The following ZNF423 variants were observed in gnomAD, a reference collection of about 807,000 sequenced individuals.
ZNF423 encodes zinc finger protein 423, also known as Ebf-associated zinc finger protein.
ZNF423 carries 12 observed loss-of-function variants against 95.8 expected under a neutral mutation model. The ratio of observed to expected loss-of-function variants is 0.13; its 90% CI spans 0.08 to 0.20. ZNF423 has a LOEUF of 0.20. Among genes scored for constraint, ZNF423 ranks in the 10% least tolerant of loss-of-function variants. The pLI, the probability that ZNF423 is intolerant of heterozygous loss-of-function variation, is 1.00. For missense variants in ZNF423, 1,316 were observed against 1,737.1 expected (o/e 0.76, Z 4.31); for synonymous variants, 749 against 711.9 (o/e 1.05, Z -0.83).
At position 49,636,580 on chromosome 16, in the gene ZNF423, G is replaced by A. The variant is rs1312203945; in HGVS notation, c.2596C>T (p.Leu866=). ...MATKKAEPAD[L]QGMLLKNPEA... ...GGGTTCTTAAGCAGCATGCCCTGCA[G>A]GTCAGCAGGCTCAGCTTTCTTGGTG... The change falls in exon 4 of 8, where the codon CTG becomes TTG. Residue 866 remains leucine, a synonymous_variant. Coordinates refer to ENST00000563137, the MANE Select transcript of ZNF423 (RefSeq NM_001379286.1). The surrounding 1 kb of genome is among the most constrained non-coding windows in gnomAD (Gnocchi z 8.6). 10 of 1,614,002 alleles carry A rather than the reference G, an allele frequency of 6.2e-6. No homozygotes were observed. The South Asian group carries it at 9.9e-5, about 16-fold the overall frequency.
chr16:49,588,915 C>T (rs1359114168), intron 5 of ZNF423, among the ~76,000 whole-genome samples: 6 of 152,228 alleles, frequency 3.9e-5, no homozygotes, highest in Admixed American at 6.5e-5. Context: ...CCAGTTTTAT[C>T]GGACAGCTGC....
Position 49,795,861 on chromosome 16 carries a change from G to A in ZNF423, c.41-6315C>T, listed in dbSNP as rs533477394. 6.6e-5 allele frequency among the ~76,000 whole-genome samples: 10 copies of A among 152,334 alleles called. No individual in the cohort carries two copies. In the South Asian group the frequency reaches 2.1e-3, roughly 32 times the overall value. On this transcript the variant is annotated intron_variant, in intron 1 of 7. Coordinates refer to ENST00000563137, the MANE Select transcript of ZNF423 (RefSeq NM_001379286.1). The stretch of plus-strand genomic sequence containing the variant: ...CATCCTGTTAAGAGAAAGGGTGTTT[G>A]CGGCCATCTCTGAAGTCCTGGGGGG...
intron 3 of ZNF423, among the ~76,000 whole-genome samples, chr16:49,689,465 A>T (rs1441546095): frequency 6.6e-6 from 1 of 152,120 alleles, no homozygotes; most frequent in Admixed American, 6.5e-5. Context: ...AAAAGAAAAA[A>T]AAAGAATTTA....
intron 3 of ZNF423, among the ~76,000 whole-genome samples, chr16:49,703,587 A>G (rs928131052): frequency 6.6e-6 from 1 of 152,238 alleles, no homozygotes; most frequent in African/African-American, 2.4e-5. Flanking sequence ...GAAGGGTGCA[A>G]GATTCCACTC....
chr16:49,681,362 T>C (rs1168778644), intron 3 of ZNF423, among the ~76,000 whole-genome samples: 1 of 152,228 alleles, frequency 6.6e-6, no homozygotes, highest in East Asian at 1.9e-4. Flanking sequence ...TTTTGGCAGC[T>C]TTCTTCCCCG....
chr16:49,854,363 C>G (rs563203434), intron 1 of ZNF423: 2 of 985,492 alleles, frequency 2.0e-6, no homozygotes, highest in Admixed American at 6.1e-5. Flanking sequence ...GAGGACAGAA[C>G]TGACGAGTGT....
intron 1 of ZNF423, among the ~76,000 whole-genome samples, chr16:49,829,115 G>A (rs142778247): frequency 0.026 from 3,998 of 152,270 alleles, 68 homozygotes; most frequent in Middle Eastern, 0.051. Context: ...CTGAGCCCTG[G>A]GGATGGTCAA....
intron 3 of ZNF423, among the ~76,000 whole-genome samples, chr16:49,706,736 C>T (rs1004710221): frequency 6.6e-6 from 1 of 152,190 alleles, no homozygotes; most frequent in Admixed American, 6.5e-5. Flanking sequence ...AAACATCACC[C>T]GAAGGTCTTC....
intron 1 of ZNF423, among the ~76,000 whole-genome samples, chr16:49,791,744 G>A (rs1414635083): frequency 6.6e-6 from 1 of 152,198 alleles, no homozygotes; most frequent in African/African-American, 2.4e-5. Context: ...GTTTATGCCT[G>A]TAATCTCAGC....
rs9929861 is a variant in ZNF423 at position 49,775,184 on chromosome 16, G to A, written c.100+14303C>T. 6.2e-3 allele frequency among the ~76,000 whole-genome samples: 945 copies of A among 152,300 alleles called. 13 individuals carry two copies. The highest frequency in any genetic ancestry group is 0.022 in the African/African-American group (911 of 41,570). On this transcript the variant is annotated intron_variant, in intron 2 of 7. Coordinates refer to ENST00000563137, the MANE Select transcript of ZNF423 (RefSeq NM_001379286.1). ...ACTCTAAGAAAGATGTTTCTGCATC[G>A]TGTGCCAAATTGTTACTGAGATGGT... is the stretch of plus-strand genomic sequence containing the variant.
chr16:49,529,241 G>A (rs1968747286), intron 5 of ZNF423, among the ~76,000 whole-genome samples: 1 of 151,748 alleles, frequency 6.6e-6, no homozygotes. Context: ...TTCACCTGCT[G>A]AAATTCAGAT....
intron 3 of ZNF423, among the ~76,000 whole-genome samples, chr16:49,662,052 C>T (rs554417717): frequency 1.2e-4 from 19 of 152,308 alleles, no homozygotes; most frequent in African/African-American, 3.8e-4. Flanking sequence ...AACACAGAGA[C>T]CGCTGGGCAG....
At position 49,636,621 on chromosome 16, in the gene ZNF423, C is replaced by T. The variant is rs1596759273; in HGVS notation, c.2555G>A (p.Gly852Glu). 6.2e-7 allele frequency: 1 copy of T among 1,613,970 alleles called. No homozygotes were observed. The highest frequency in any genetic ancestry group is 8.5e-7 in the Non-Finnish European group (1 of 1,179,986). Reference sequence around the variant, plus strand: ...TTTCTTGGTGGCCATTGGGGGTACCCCATTGGCCGTGCCGTTCTCGGTCGC... The same window carrying T: ...TTTCTTGGTGGCCATTGGGGGTACCTCATTGGCCGTGCCGTTCTCGGTCGC... ...DAATENGTAN[G>E]VPPMATKKAE... Residue 852 changes from glycine to glutamate, a missense_variant, in exon 4 of 8, where the codon GGG becomes GAG. Transcript: ENST00000563137. This position sits in a 1 kb window ranked among gnomAD's most constrained non-coding sequence, Gnocchi z 8.6.
intron 5 of ZNF423, among the ~76,000 whole-genome samples, chr16:49,595,969 C>T (rs1971165926): frequency 6.6e-6 from 1 of 152,062 alleles, no homozygotes; most frequent in African/African-American, 2.4e-5. Flanking sequence ...AATCTTCCTC[C>T]TTGTTGCTAT....
At chr16:49,491,355 T>A (rs774772870) in intron 7 of ZNF423, 51 bp from the exon 8 acceptor site, 2 of 1,609,356 alleles carry the variant, frequency 1.2e-6, no homozygotes, top group Admixed American at 3.3e-5. Flanking sequence ...ATGGAGAGCA[T>A]GCTCGTCCCT....
chr16:49,590,630 C>T (rs1037577506), intron 5 of ZNF423, among the ~76,000 whole-genome samples: 4 of 152,164 alleles, frequency 2.6e-5, no homozygotes, highest in Admixed American at 6.5e-5. Flanking sequence ...CCTGTGCTTC[C>T]CCTTGGTCTT....
At chr16:49,646,651 A>G (rs1383371122) in intron 3 of ZNF423, among the ~76,000 whole-genome samples, 8 of 146,496 alleles carry the variant, frequency 5.5e-5, no homozygotes, top group Admixed American at 4.9e-4. Flanking sequence ...GCTTCCTGCC[A>G]CCTCTGCCTC....
At chr16:49,766,383 A>G (rs1379150227) in intron 2 of ZNF423, among the ~76,000 whole-genome samples, 1 of 152,222 alleles carries the variant, frequency 6.6e-6, no homozygotes, top group Non-Finnish European at 1.5e-5. Flanking sequence ...CAGGCTCCCA[A>G]CATCACTCCC....
intron 5 of ZNF423, among the ~76,000 whole-genome samples, chr16:49,606,822 A>G (rs768251406): frequency 1.3e-5 from 2 of 152,152 alleles, no homozygotes; most frequent in African/African-American, 2.4e-5. Context: ...TGCTCCTGCC[A>G]TCTCTGAAAC....
Sources: gnomAD v4.1 joint callset for allele counts (sites outside exome capture counted in the v4.1 genomes callset) on GRCh38, gnomAD v4.1.1 for gene constraint, Gnocchi (gnomAD v3.1) non-coding constraint, MANE v1.5 for transcripts, NCBI Gene and HGNC (gene_info 2026-07-23, HGNC 2026-07-21) for gene names.